The following ZNF74 variants were observed in gnomAD, a reference collection of about 807,000 sequenced individuals.
ZNF74 encodes the protein zinc finger protein 520.
A neutral mutation model predicts 17.7 loss-of-function variants in ZNF74; 12 were observed. That is an observed-to-expected ratio of 0.68 (90% CI 0.43 to 1.10). ZNF74 has a LOEUF of 1.10. Ranked by LOEUF, ZNF74 falls within the 50% of genes least tolerant of loss-of-function variation. ZNF74 has a pLI of 0.00. For synonymous variants in ZNF74, 358 were observed against 362.1 expected (o/e 0.99, Z 0.13); for missense variants, 811 against 881.0 (o/e 0.92, Z 1.01).
Position 20,394,613 on chromosome 22 carries a change from G to A in ZNF74, c.-16G>A. On this transcript the variant is annotated 5_prime_UTR_variant, in exon 1 of 5. Coordinates refer to ENST00000400451, the MANE Select transcript of ZNF74 (RefSeq NM_003426.4). ...CACAGCTGCCCACTCCTCCTGGGGA[G>A]GCTGCCGTGGAGGCCATGGAGATCC... 1 of 1,614,164 alleles carries A rather than the reference G, an allele frequency of 6.2e-7. No homozygotes were observed. The highest frequency in any genetic ancestry group is 8.5e-7 in the Non-Finnish European group (1 of 1,180,002).
chr22:20,395,874 C>T (rs1365141927), intron 2 of ZNF74, among the ~76,000 whole-genome samples: 8 of 152,198 alleles, frequency 5.3e-5, no homozygotes, highest in Non-Finnish European at 5.9e-5. Context: ...TTAAGAGTGG[C>T]GGTAGGGGAC....
At chr22:20,402,678 G>C (rs5761416) in intron 4 of ZNF74, among the ~76,000 whole-genome samples, 3 of 151,976 alleles carry the variant, frequency 2.0e-5, no homozygotes, top group Non-Finnish European at 4.4e-5. Flanking sequence ...GTGCATGCCT[G>C]TAATCCCAGC....
At position 20,405,646 on chromosome 22, in the gene ZNF74, C is replaced by G. The variant is rs375956052; in HGVS notation, c.613C>G (p.Gln205Glu). 1.1e-5 allele frequency: 17 copies of G among 1,612,814 alleles called. No homozygotes were observed. The highest frequency in any genetic ancestry group is 1.4e-5 in the Non-Finnish European group (17 of 1,179,532). The change falls in exon 5 of 5, where the codon CAG becomes GAG. Residue 205 changes from glutamine (Q) to glutamate (E), a missense_variant. Around this residue, in one of 3 missense-constraint regions of ZNF74, gnomAD observed 666 missense variants for 702.3 expected, o/e 0.95. Transcript: ENST00000400451. ...GPLLDTRKNV[Q>E]ATEGRTKAPA... ...CTTGCTGGACACACGCAAGAACGTC[C>G]AGGCCACTGAGGGCAGAACCAAGGC...
chr22:20,405,721 G>C lies in ZNF74; in HGVS notation c.688G>C (p.Glu230Gln), dbSNP rs1262004596. Reference sequence around the variant, plus strand: ...AAACGCCTCCACGCCAAGTGAGCCAGAAAAGTTCCCCCAGGTGCGCCGGCA... The same window carrying C: ...AAACGCCTCCACGCCAAGTGAGCCACAAAAGTTCCCCCAGGTGCGCCGGCA... ...GENASTPSEP[E>Q]KFPQVRRQRG... Residue 230 changes from glutamate to glutamine, a missense_variant, in exon 5 of 5, where the codon GAA becomes CAA. Glu to Gln is a conservative substitution (Grantham distance 29, BLOSUM62 2). Coordinates refer to ENST00000400451, the MANE Select transcript of ZNF74 (RefSeq NM_003426.4). 3.7e-6 allele frequency: 6 copies of C among 1,603,626 alleles called. No individual in the cohort carries two copies. Among genetic ancestry groups the C allele is most frequent in the Non-Finnish European group, 5.1e-6 (6 of 1,175,544 alleles).
chr22:20,401,280 C>T lies in ZNF74; in HGVS notation c.251C>T (p.Pro84Leu). 4 of 1,609,310 alleles carry T rather than the reference C, an allele frequency of 2.5e-6. No individual in the cohort carries two copies. The highest frequency in any genetic ancestry group is 1.1e-5 in the South Asian group (1 of 90,108). ...CCCACTTTCTCTCCACGAGCAGGAC[C>T]TCCACTGCACAAGCCAGATGTGATC... Reference protein sequence around the residue: ...ENYQNLLALGPPLHKPDVISH... With the variant: ...ENYQNLLALGLPLHKPDVISH... The change falls in exon 4 of 5, where the codon CCT becomes CTT. Residue 84 changes from proline to leucine, a missense_variant. Coordinates refer to ENST00000400451, the MANE Select transcript of ZNF74 (RefSeq NM_003426.4). The surrounding 1 kb of genome is among the most constrained non-coding windows in gnomAD (Gnocchi z 4.2).
In ZNF74 at chr22:20,406,848, A is replaced by G. The variant is rs370304345; in HGVS notation, c.1815A>G (p.Ala605=). Residue 605 remains alanine (A), a synonymous_variant, in exon 5 of 5, where the codon GCA becomes GCG. Coordinates refer to ENST00000400451, the MANE Select transcript of ZNF74 (RefSeq NM_003426.4). ...TYYVPGSLLG[A]GDAGLRDVDP... ...ACGTGCCTGGCAGCCTGCTGGGTGC[A>G]GGGGATGCTGGACTGAGGGACGTGG... is the stretch of plus-strand genomic sequence containing the variant. The G allele has an allele frequency of 1.2e-6, 2 of 1,614,054 alleles. No individual in the cohort carries two copies. The highest frequency in any genetic ancestry group is 4.5e-5 in the East Asian group (2 of 44,890).
At chr22:20,398,638 AT>A (rs1309439509) in intron 2 of ZNF74, among the ~76,000 whole-genome samples, 1 of 152,058 alleles carries the variant, frequency 6.6e-6, no homozygotes, top group Non-Finnish European at 1.5e-5. Flanking sequence ...TCAAAAAACA[AT>A]TTTTTTGTTT....
In ZNF74 at chr22:20,394,201, T is replaced by A. The variant is rs1361244317; in HGVS notation, c.-428T>A. The stretch of plus-strand genomic sequence containing the variant: ...GGCAGTCGCAGTCCTTTTGTGGGAG[T>A]CCGGTCTGTCCACTTGCCGGTCCCT... On this transcript the variant is annotated 5_prime_UTR_variant, in exon 1 of 5. Coordinates refer to ENST00000400451, the MANE Select transcript of ZNF74 (RefSeq NM_003426.4). 2 of 676,864 alleles carry A rather than the reference T, an allele frequency of 3.0e-6. No homozygotes were observed. Among genetic ancestry groups the A allele is most frequent in the Non-Finnish European group, 5.4e-6 (2 of 368,618 alleles). The allele number at this position is 676,864 out of a possible 1,614,324, so 41.9% of individuals were successfully genotyped here.
At chr22:20,395,564 G>A in intron 2 of ZNF74, 146 bp downstream of exon 2, 1 of 587,958 alleles carries the variant, frequency 1.7e-6, no homozygotes, top group Non-Finnish European at 3.1e-6. Flanking sequence ...ACAGCTCCAA[G>A]TGAAGAGTCC....
chr22:20,405,788 A>C lies in ZNF74; in HGVS notation c.755A>C (p.Glu252Ala), dbSNP rs756165573. The change falls in exon 5 of 5, where the codon GAG becomes GCG. Residue 252 changes from glutamate (E) to alanine (A), a missense_variant. Glu to Ala is a moderately radical substitution (Grantham distance 107, BLOSUM62 -1). This residue lies in a region of ZNF74 where 666 missense variants were observed against 702.3 expected (regional missense o/e 0.95). Coordinates refer to ENST00000400451, the MANE Select transcript of ZNF74 (RefSeq NM_003426.4). ...GGGGAGGGCGAGTTCGTGTGCGGCG[A>C]GTGCGGGAAGGCGTTCCGCCAGAGC... ...GAGEGEFVCGECGKAFRQSSS... is the reference protein window; with the variant it reads ...GAGEGEFVCGACGKAFRQSSS... The C allele has an allele frequency of 6.2e-7, 1 of 1,611,646 alleles. No homozygotes were observed. Among genetic ancestry groups the C allele is most frequent in the Admixed American group, 1.7e-5 (1 of 59,856 alleles).
chr22:20,405,286 G>A (rs1446799754), intron 4 of ZNF74, 91 bp from the exon 5 acceptor site: 1 of 1,391,264 alleles, frequency 7.2e-7, no homozygotes, highest in African/African-American at 1.5e-5. Context: ...CTCTTTTCTG[G>A]GCTTATCTGC....
In ZNF74 at chr22:20,401,375, G is replaced by A. The variant is rs1365735529; in HGVS notation, c.343+3G>A. On this transcript the variant is annotated splice_donor_region_variant and intron_variant, in intron 4 of 4. Coordinates refer to ENST00000400451, the MANE Select transcript of ZNF74 (RefSeq NM_003426.4). The surrounding 1 kb of genome is among the most constrained non-coding windows in gnomAD (Gnocchi z 4.2). The stretch of plus-strand genomic sequence containing the variant: ...AGTCCCCAGAGGGCCCTGTCCAGGT[G>A]AGCAGAGGCACAGGTGGAAGGGTGC... 3.8e-6 allele frequency: 6 copies of A among 1,594,150 alleles called. No individual in the cohort carries two copies. Among genetic ancestry groups the A allele is most frequent in the Admixed American group, 1.7e-5 (1 of 58,188 alleles).
intron 2 of ZNF74, among the ~76,000 whole-genome samples, chr22:20,398,061 G>A (rs1341079040): frequency 6.6e-6 from 1 of 152,192 alleles, no homozygotes; most frequent in Admixed American, 6.5e-5. Context: ...GCTCACGCCT[G>A]TAACCCCAGC....
chr22:20,406,344 GCA>G lies in ZNF74; in HGVS notation c.1315_1316del (p.Thr439GlyfsTer86). The stretch of plus-strand genomic sequence containing the variant: ...CGCGCCTCACCCTCCACCAGAGGAC[GCA>G]CACGGGCGAGAAGCCCTTCAAGTGC... The part of the protein sequence containing the change: ...RSRLTLHQRT[H>X]TGEKPFKCAD... On this transcript the variant is annotated frameshift_variant, in exon 5 of 5. Transcript: ENST00000400451. LOFTEE classifies it low-confidence loss of function (END_TRUNC). The G allele has an allele frequency of 6.2e-7, 1 of 1,609,202 alleles. No individual in the cohort carries two copies. Among genetic ancestry groups the G allele is most frequent in the Non-Finnish European group, 8.5e-7 (1 of 1,178,700 alleles).
chr22:20,400,406 TCCCAATCTAGAAG>T, intron 2 of ZNF74: 1 of 544,466 alleles, frequency 1.8e-6, no homozygotes, highest in Non-Finnish European at 3.3e-6. Flanking sequence ...AGACCTGCTT[TCCCAATCTAGAAG>T]GTGGTGTGGG....
chr22:20,399,745 A>C, intron 2 of ZNF74: 1 of 218,414 alleles, frequency 4.6e-6, no homozygotes, highest in Non-Finnish European at 9.4e-6. Flanking sequence ...GAGCCACCCC[A>C]CCCGGCCTTG....
chr22:20,396,984 G>T (rs1328201165), intron 2 of ZNF74, among the ~76,000 whole-genome samples: 2 of 152,112 alleles, frequency 1.3e-5, no homozygotes, highest in Admixed American at 6.5e-5. Context: ...TGCTGGTTTT[G>T]CTCCCCACAC....
At chr22:20,397,320 G>A (rs767081846) in intron 2 of ZNF74, among the ~76,000 whole-genome samples, 12 of 152,156 alleles carry the variant, frequency 7.9e-5, no homozygotes, top group Non-Finnish European at 1.5e-4. Context: ...TTAGGGGTGT[G>A]TTCTCAGCAT....
chr22:20,406,612 C>T lies in ZNF74; in HGVS notation c.1579C>T (p.Pro527Ser). The T allele has an allele frequency of 1.2e-6, 2 of 1,614,264 alleles. No individual in the cohort carries two copies. The highest frequency in any genetic ancestry group is 1.7e-6 in the Non-Finnish European group (2 of 1,180,052). The change falls in exon 5 of 5, where the codon CCC (proline) becomes TCC (serine). Residue 527 changes from proline (P) to serine (S), a missense_variant. This residue lies in a region of ZNF74 where 30 missense variants were observed against 59.2 expected (regional missense o/e 0.51). Transcript: ENST00000400451. Reference sequence around the variant, plus strand: ...CCAGCGCATCCACACCGGTGAGAAGCCCTACAAGTGCAGCGAGTGCGGCAG... The same window carrying T: ...CCAGCGCATCCACACCGGTGAGAAGTCCTACAAGTGCAGCGAGTGCGGCAG... ...VHQRIHTGEK[P>S]YKCSECGRAF...
Sources: gnomAD v4.1 joint callset for allele counts (sites outside exome capture counted in the v4.1 genomes callset) on GRCh38, gnomAD v4.1.1 for gene constraint, gnomAD v4.1.1 regional missense constraint, Gnocchi (gnomAD v3.1) non-coding constraint, MANE v1.5 for transcripts, NCBI Gene and HGNC (gene_info 2026-07-23, HGNC 2026-07-21) for gene names.